The following GAP43 variants were observed in gnomAD, a reference collection of about 807,000 sequenced individuals.
GAP43 encodes the protein growth associated protein 43.
Under a neutral mutation model 18.6 loss-of-function variants are expected in GAP43, and 6 were observed. The observed-to-expected ratio is 0.32, with a 90% CI of 0.18 to 0.64. The LOEUF is 0.64. Ranked by LOEUF, GAP43 falls within the 30% of genes least tolerant of loss-of-function variation. The pLI, the probability that GAP43 is intolerant of heterozygous loss-of-function variation, is 0.78. For synonymous variants in GAP43, 115 were observed against 111.4 expected, an observed-to-expected ratio of 1.03 and a Z score of -0.20; for missense variants, 292 against 295.5, an observed-to-expected ratio of 0.99 and a Z score of 0.09.
intron 1 of GAP43, among the ~76,000 whole-genome samples, chr3:115,667,755 C>A (rs1297499520): frequency 6.6e-6 from 1 of 152,130 alleles, no homozygotes; most frequent in Non-Finnish European, 1.5e-5. Flanking sequence ...CTGTCTTTTT[C>A]TTGATGCATT....
At chr3:115,675,930 T>C in intron 1 of GAP43, 83 bp from the exon 2 acceptor site, 3 of 1,518,794 alleles carry the variant, frequency 2.0e-6, no homozygotes, top group Middle Eastern at 3.6e-4. Context: ...ATAAATCACT[T>C]AATAAATACT....
At chr3:115,713,153 A>G (rs994807891) in intron 2 of GAP43, among the ~76,000 whole-genome samples, 1 of 152,210 alleles carries the variant, frequency 6.6e-6, no homozygotes, top group Non-Finnish European at 1.5e-5. Flanking sequence ...GCCATATGTG[A>G]GTTAGCTGCC....
At chr3:115,683,111 C>G (rs540551911) in intron 2 of GAP43, among the ~76,000 whole-genome samples, 2 of 143,390 alleles carry the variant, frequency 1.4e-5, no homozygotes, top group South Asian at 2.4e-4. Flanking sequence ...TTTCTTTTTT[C>G]TCTACATACA....
chr3:115,645,779 C>T (rs560759438), intron 1 of GAP43, among the ~76,000 whole-genome samples: 3 of 151,880 alleles, frequency 2.0e-5, no homozygotes, highest in East Asian at 1.9e-4. Context: ...TTGTAAAATG[C>T]TTAGAAATAT....
chr3:115,626,434 A>G (rs779838455), intron 1 of GAP43, among the ~76,000 whole-genome samples: 1 of 152,186 alleles, frequency 6.6e-6, no homozygotes, highest in South Asian at 2.1e-4. Context: ...TCTATTAGCC[A>G]TTAGTTATCA....
rs762480510 is a variant in GAP43, at chr3:115,720,923, C to T, written c.*41C>T. ...TTTCCACATCCCCACCCTCCCCTCT[C>T]CTGAGCCTGTCTCTCCCTACCCTCT... On this transcript the variant is annotated 3_prime_UTR_variant, in exon 3 of 3. Transcript: ENST00000305124. 7.2e-7 allele frequency: 1 copy of T among 1,386,992 alleles called. No individual in the cohort carries two copies. The highest frequency in any genetic ancestry group is 1.0e-6 in the Non-Finnish European group (1 of 977,958). The allele number at this position is 1,386,992 out of a possible 1,614,324, so 85.9% of individuals were successfully genotyped here.
At chr3:115,651,131 A>G (rs1033359493) in intron 1 of GAP43, among the ~76,000 whole-genome samples, 11 of 152,152 alleles carry the variant, frequency 7.2e-5, no homozygotes, top group African/African-American at 1.9e-4. Flanking sequence ...CTGGAAAAAA[A>G]CAATAATAAT....
rs757482306 is a variant in GAP43, at chr3:115,676,353, C to G, written c.371C>G (p.Ala124Gly). The G allele has an allele frequency of 5.0e-6, 8 of 1,613,884 alleles. No homozygotes were observed. Among genetic ancestry groups the G allele is most frequent in the Non-Finnish European group, 6.8e-6 (8 of 1,179,946 alleles). The change falls in exon 2 of 3, where the codon GCC becomes GGC. Residue 124 changes from alanine to glycine, a missense_variant. By Grantham distance (60) the Ala-to-Gly change is moderately conservative. Transcript: ENST00000305124. ...GGTGATGCTGCCACAGAGCAGGCAG[C>G]CCCCCAGGCTCCTGCATCCTCAGAG... ...GEGDAATEQAAPQAPASSEEK... is the reference protein window; with the variant it reads ...GEGDAATEQAGPQAPASSEEK...
rs1249225183 is a variant in GAP43 at position 115,676,055 on chromosome 3, A to G, written c.73A>G (p.Ile25Val). ...DDDQKIEQDG[I>V]KPEDKAHKAA... The stretch of plus-strand genomic sequence containing the variant: ...CGACCAAAAGATTGAACAAGATGGT[A>G]TCAAACCAGAAGATAAAGCTCATAA... Residue 25 changes from isoleucine (I) to valine (V), a missense_variant, in exon 2 of 3, where the codon ATC becomes GTC. Ile to Val is a conservative substitution (Grantham distance 29). Transcript: ENST00000305124. The G allele has an allele frequency of 6.2e-7, 1 of 1,613,616 alleles. No homozygotes were observed. Among genetic ancestry groups the G allele is most frequent in the East Asian group, 2.2e-5 (1 of 44,866 alleles).
At chr3:115,720,506 T>A (rs971102155) in intron 2 of GAP43, among the ~76,000 whole-genome samples, 1 of 152,178 alleles carries the variant, frequency 6.6e-6, no homozygotes, top group Non-Finnish European at 1.5e-5. Flanking sequence ...ACCTTGATTG[T>A]AAGGCTGAGA....
At chr3:115,696,585 C>A (rs528176025) in intron 2 of GAP43, among the ~76,000 whole-genome samples, 8 of 126,210 alleles carry the variant, frequency 6.3e-5, no homozygotes, top group African/African-American at 1.2e-4. Flanking sequence ...ACCGCCCCCC[C>A]CCCCCACAAA....
chr3:115,663,800 T>G, intron 1 of GAP43: 1 of 1,551,774 alleles, frequency 6.4e-7, no homozygotes, highest in Non-Finnish European at 8.7e-7. Flanking sequence ...CTGCTCTGAA[T>G]TATGCCACCC....
intron 2 of GAP43, among the ~76,000 whole-genome samples, chr3:115,682,882 G>A (rs141147528): frequency 6.6e-6 from 1 of 152,166 alleles, no homozygotes; most frequent in East Asian, 1.9e-4. Context: ...CAAGATGAAG[G>A]AATGTGTTGT....
rs752113215 is a variant in GAP43, at chr3:115,720,886, C to CT, written c.*5dup. Reference sequence around the variant, plus strand: ...GGCTGACCAAGAACATGCCTGAACTCTAAGAAATGGCTTTCCACATCCCCA... The same window carrying CT: ...GGCTGACCAAGAACATGCCTGAACTCTTAAGAAATGGCTTTCCACATCCCCA... On this transcript the variant is annotated 3_prime_UTR_variant, in exon 3 of 3. Transcript: ENST00000305124. 1.9e-6 allele frequency: 3 copies of CT among 1,607,072 alleles called. No individual in the cohort carries two copies. Among genetic ancestry groups the CT allele is most frequent in the South Asian group, 1.1e-5 (1 of 90,808 alleles).
At chr3:115,684,989 C>T (rs868784182) in intron 2 of GAP43, among the ~76,000 whole-genome samples, 2 of 152,190 alleles carry the variant, frequency 1.3e-5, no homozygotes, top group African/African-American at 2.4e-5. Context: ...TTTTAACCTT[C>T]AGTGGAAAAA....
At chr3:115,641,241 A>G (rs574759779) in intron 1 of GAP43, among the ~76,000 whole-genome samples, 22 of 151,584 alleles carry the variant, frequency 1.5e-4, no homozygotes, top group African/African-American at 5.3e-4. Context: ...CCTTCTTCAT[A>G]AAATCATTTT....
At chr3:115,667,808 G>C (rs1371655567) in intron 1 of GAP43, among the ~76,000 whole-genome samples, 1 of 152,200 alleles carries the variant, frequency 6.6e-6, no homozygotes, top group Non-Finnish European at 1.5e-5. Flanking sequence ...GCTAGCAGAA[G>C]AGGCCTCACA....
At chr3:115,625,300 G>C (rs936864476) in intron 1 of GAP43, among the ~76,000 whole-genome samples, 1 of 151,958 alleles carries the variant, frequency 6.6e-6, no homozygotes, top group Admixed American at 6.6e-5. Context: ...AGTTGGGGGC[G>C]GTATTTGCAG....
chr3:115,624,240 G>A (rs139247900), intron 1 of GAP43, among the ~76,000 whole-genome samples: 74 of 152,244 alleles, frequency 4.9e-4, no homozygotes, highest in Non-Finnish European at 7.5e-4. Context: ...GGAAAAACGT[G>A]CAGGTCTTAT....
Sources: gnomAD v4.1 joint callset for allele counts (sites outside exome capture counted in the v4.1 genomes callset) on GRCh38, gnomAD v4.1.1 for gene constraint, MANE v1.5 for transcripts, NCBI Gene and HGNC (gene_info 2026-07-23, HGNC 2026-07-21) for gene names.